Variants in PCDHA6 observed in about 807,000 individuals in gnomAD.
PCDHA6 encodes the protein protocadherin alpha 6.
In PCDHA6, 55 loss-of-function variants were observed where a neutral mutation model predicts 60.3. That is an observed-to-expected ratio of 0.91 (90% CI 0.73 to 1.14). The LOEUF is 1.14. Ranked by LOEUF, PCDHA6 falls within the 50% of genes most tolerant of loss-of-function variation. The pLI is 0.00. For synonymous variants in PCDHA6, 652 were observed against 557.9 expected, an observed-to-expected ratio of 1.17 and a Z score of -2.38; for missense variants, 1,327 against 1,256.5, an observed-to-expected ratio of 1.06 and a Z score of -0.85.
At position 140,829,791 on chromosome 5, in the gene PCDHA6, C is replaced by T. The variant is rs782412294; in HGVS notation, c.1700C>T (p.Ala567Val). ...DENDNAPALL[A>V]PRVGGTGGAV... ...AACGACAACGCGCCGGCGCTGCTGG[C>T]GCCTCGGGTGGGTGGTACTGGTGGT... Residue 567 changes from alanine (A) to valine (V), a missense_variant, in exon 1 of 4, where the codon GCG (alanine) becomes GTG (valine). Coordinates refer to ENST00000529310, the MANE Select transcript of PCDHA6 (RefSeq NM_018909.4). 2 of 1,613,788 alleles carry T rather than the reference C, an allele frequency of 1.2e-6. No homozygotes were observed. Among genetic ancestry groups the T allele is most frequent in the South Asian group, 2.2e-5 (2 of 91,074 alleles).
chr5:140,849,857 G>C (rs781928576), intron 1 of PCDHA6: 1 of 1,598,626 alleles, frequency 6.3e-7, no homozygotes, highest in Non-Finnish European at 8.6e-7. Context: ...ACGCACCAGC[G>C]TTCGCGCAGT....
At chr5:140,859,768 T>A (rs1469606357) in intron 1 of PCDHA6, 1 of 152,934 alleles carries the variant, frequency 6.5e-6, no homozygotes, top group Non-Finnish European at 1.5e-5. Flanking sequence ...ATACTCTCCA[T>A]GCCCTGTCTC....
intron 1 of PCDHA6, among the ~76,000 whole-genome samples, chr5:140,900,977 C>T (rs1223245503): frequency 2.0e-5 from 3 of 152,112 alleles, no homozygotes; most frequent in South Asian, 2.1e-4. Flanking sequence ...AGTATCTTTT[C>T]CTATACCTGT....
chr5:140,835,221 T>G (rs2150232030), intron 1 of PCDHA6: 2 of 1,587,286 alleles, frequency 1.3e-6, no homozygotes, highest in Admixed American at 1.8e-5. Context: ...TATTATTTAC[T>G]CCTTCTCCAG....
At chr5:140,887,438 A>T (rs540823028) in intron 1 of PCDHA6, among the ~76,000 whole-genome samples, 3 of 152,268 alleles carry the variant, frequency 2.0e-5, no homozygotes, top group Admixed American at 6.5e-5. Flanking sequence ...TTCACTGGGC[A>T]TAGTTGACAG....
chr5:140,874,587 T>A (rs1221042797), intron 1 of PCDHA6, among the ~76,000 whole-genome samples: 1 of 152,256 alleles, frequency 6.6e-6, no homozygotes, highest in Admixed American at 6.5e-5. Flanking sequence ...TGCTTTGGGA[T>A]AGTGTGAAAT....
chr5:140,884,239 C>T, intron 1 of PCDHA6: 1 of 1,613,424 alleles, frequency 6.2e-7, no homozygotes, highest in Non-Finnish European at 8.5e-7. Context: ...ACGGTGAGCC[C>T]GCGCTGACGG....
chr5:140,858,218 G>A, intron 1 of PCDHA6: 1 of 1,596,494 alleles, frequency 6.3e-7, no homozygotes. Context: ...GTGCTCGGCG[G>A]CGCCCACCGA....
intron 1 of PCDHA6, among the ~76,000 whole-genome samples, chr5:140,936,282 T>C (rs781971653): frequency 6.6e-6 from 1 of 152,250 alleles, no homozygotes; most frequent in Non-Finnish European, 1.5e-5. Context: ...CTGTGTTTTC[T>C]TCTATAACAT....
In PCDHA6 at chr5:140,996,437, G is replaced by A. The variant is rs1013018828; in HGVS notation, c.2543-13190G>A. On this transcript the variant is annotated intron_variant, in intron 3 of 3. Coordinates refer to ENST00000529310, the MANE Select transcript of PCDHA6 (RefSeq NM_018909.4). Reference sequence around the variant, plus strand: ...AGTGTGAAAACTTTGGGAATAGTCAGTGTCAAGTTGTGGTGCTAAGGGAGG... The same window carrying A: ...AGTGTGAAAACTTTGGGAATAGTCAATGTCAAGTTGTGGTGCTAAGGGAGG... Among the ~76,000 whole-genome samples the A allele has an allele frequency of 4.6e-5, 7 of 152,224 alleles. 1 individual carries two copies. The highest frequency in any genetic ancestry group is 2.6e-4 in the Admixed American group (4 of 15,280).
intron 1 of PCDHA6, among the ~76,000 whole-genome samples, chr5:140,831,543 T>C: frequency 8.4e-6 from 1 of 118,834 alleles, no homozygotes; most frequent in East Asian, 2.4e-4. Flanking sequence ...TTTTTTTTTT[T>C]TAAGAGATGG....
At chr5:140,852,893 T>C in intron 1 of PCDHA6, 1 of 907,664 alleles carries the variant, frequency 1.1e-6, no homozygotes, top group Non-Finnish European at 1.3e-6. Context: ...GTATTTTTTT[T>C]TTTGAGTCAG....
intron 1 of PCDHA6, chr5:140,858,071 C>A: frequency 6.3e-7 from 1 of 1,597,680 alleles, no homozygotes; most frequent in Non-Finnish European, 8.6e-7. Context: ...CAGCCAGGCA[C>A]CCAAGGCCTC....
chr5:140,947,948 T>C (rs2094196051), intron 1 of PCDHA6, among the ~76,000 whole-genome samples: 1 of 151,586 alleles, frequency 6.6e-6, no homozygotes, highest in South Asian at 2.1e-4. Context: ...AAGTGTTCCA[T>C]ATTTTACAAT....
intron 1 of PCDHA6, chr5:140,841,685 G>T (rs1332759626): frequency 6.2e-7 from 1 of 1,613,842 alleles, no homozygotes; most frequent in Non-Finnish European, 8.5e-7. Context: ...TGTGGACGTG[G>T]AGGTGAAGGA....
chr5:140,956,194 A>G (rs1370463281), intron 1 of PCDHA6, among the ~76,000 whole-genome samples: 1 of 152,060 alleles, frequency 6.6e-6, no homozygotes, highest in Non-Finnish European at 1.5e-5. Flanking sequence ...GCTGAATAGG[A>G]GTGGTGAAAG....
At chr5:140,883,959 C>T (rs782366148) in intron 1 of PCDHA6, 4 of 1,613,092 alleles carry the variant, frequency 2.5e-6, no homozygotes, top group Admixed American at 3.3e-5. Context: ...AACGCTCCGG[C>T]GCTGCTGACG....
At chr5:140,996,190 C>T (rs2097716017) in intron 3 of PCDHA6, among the ~76,000 whole-genome samples, 1 of 152,200 alleles carries the variant, frequency 6.6e-6, no homozygotes, top group African/African-American at 2.4e-5. Flanking sequence ...CCATTTTATA[C>T]CCTCAATGCA....
chr5:140,884,582 T>G, intron 1 of PCDHA6: 1 of 1,614,172 alleles, frequency 6.2e-7, no homozygotes, highest in South Asian at 1.1e-5. Flanking sequence ...CCTCATGGCC[T>G]TCAGTCCCAG....
Sources: gnomAD v4.1 joint callset for allele counts (sites outside exome capture counted in the v4.1 genomes callset) on GRCh38, gnomAD v4.1.1 for gene constraint, MANE v1.5 for transcripts, NCBI Gene and HGNC (gene_info 2026-07-23, HGNC 2026-07-21) for gene names.